Variants in PCDH9 observed in about 807,000 individuals in gnomAD.
PCDH9 encodes the protein protocadherin 9, also known as protocadherin-9.
In PCDH9, 24 loss-of-function variants were observed where a neutral mutation model predicts 70.6. The ratio of observed to expected loss-of-function variants is 0.34; its 90% CI spans 0.25 to 0.48. The LOEUF (loss-of-function observed/expected upper bound fraction) is 0.48. Ranked by LOEUF, PCDH9 falls within the 20% of genes least tolerant of loss-of-function variation. The probability of loss-of-function intolerance (pLI) is 0.99; values close to 1 mark genes in which losing one functional copy is unlikely to be tolerated. For synonymous variants in PCDH9, 562 were observed against 558.5 expected (o/e 1.01, Z -0.09); for missense variants, 1,281 against 1,503.6 (o/e 0.85, Z 2.45).
intron 2 of PCDH9, among the ~76,000 whole-genome samples, chr13:67,012,030 T>C (rs2084461111): frequency 6.6e-6 from 1 of 151,792 alleles, no homozygotes; most frequent in African/African-American, 2.4e-5. Context: ...TTGAATAGAG[T>C]ATCCTATGTA....
At chr13:66,896,336 G>A (rs1215790994) in intron 3 of PCDH9, among the ~76,000 whole-genome samples, 2 of 150,906 alleles carry the variant, frequency 1.3e-5, no homozygotes, top group Admixed American at 6.6e-5. Context: ...GTTTAGCCTC[G>A]GGAAAACACC....
intron 4 of PCDH9, among the ~76,000 whole-genome samples, chr13:66,559,817 A>ATATATATAT (rs1555306268): frequency 2.1e-5 from 2 of 93,106 alleles, no homozygotes; most frequent in Admixed American, 1.4e-4. Context: ...AAAAAAAAAA[A>ATATATATAT]ATATATATAT....
intron 3 of PCDH9, among the ~76,000 whole-genome samples, chr13:66,706,039 T>TG (rs1168544881): frequency 1.3e-5 from 2 of 152,180 alleles, no homozygotes; most frequent in African/African-American, 4.8e-5. Flanking sequence ...AAAGCACACT[T>TG]GGGGCCAAAA....
intron 3 of PCDH9, among the ~76,000 whole-genome samples, chr13:66,728,051 A>C (rs2079028382): frequency 6.6e-6 from 1 of 152,172 alleles, no homozygotes; most frequent in Non-Finnish European, 1.5e-5. Flanking sequence ...TCCTCACACC[A>C]ACTTGGTCAT....
chr13:66,561,365 A>G (rs1962024129), intron 4 of PCDH9, among the ~76,000 whole-genome samples: 3 of 152,056 alleles, frequency 2.0e-5, no homozygotes, highest in African/African-American at 7.2e-5. Flanking sequence ...CCCTTGCTCC[A>G]CTGCACCCAG....
intron 3 of PCDH9, among the ~76,000 whole-genome samples, chr13:66,873,915 T>C (rs1594187840): frequency 6.7e-6 from 1 of 148,260 alleles, no homozygotes; most frequent in Non-Finnish European, 1.5e-5. Flanking sequence ...TTTCTTTTCG[T>C]TTCTTTTTTT....
intron 2 of PCDH9, among the ~76,000 whole-genome samples, chr13:67,105,342 A>G (rs563242314): frequency 3.9e-5 from 6 of 152,220 alleles, no homozygotes; most frequent in Non-Finnish European, 7.3e-5. Context: ...CTTTGGAAAT[A>G]AAAACATAAG....
At chr13:66,937,259 T>C (rs1459178718) in intron 2 of PCDH9, among the ~76,000 whole-genome samples, 1 of 152,204 alleles carries the variant, frequency 6.6e-6, no homozygotes, top group Non-Finnish European at 1.5e-5. Context: ...GGTAACAACT[T>C]TCAGTCTCAG....
chr13:66,373,503 T>G (rs1409910676), intron 4 of PCDH9, among the ~76,000 whole-genome samples: 4 of 151,926 alleles, frequency 2.6e-5, no homozygotes, highest in Non-Finnish European at 5.9e-5. Flanking sequence ...TACATATGCT[T>G]TATTGCAACT....
chr13:66,671,274 G>A (rs1357049709), intron 3 of PCDH9, among the ~76,000 whole-genome samples: 1 of 152,132 alleles, frequency 6.6e-6, no homozygotes, highest in Non-Finnish European at 1.5e-5. Context: ...TTTCTTCATA[G>A]CAGTATGAAA....
intron 4 of PCDH9, among the ~76,000 whole-genome samples, chr13:66,497,287 T>C (rs61957642): frequency 0.22 from 33,889 of 151,882 alleles, 4,094 homozygotes; most frequent in South Asian, 0.34. Flanking sequence ...TTGCCCAGTC[T>C]AGTTTCAAAC....
chr13:66,779,836 TC>T, intron 3 of PCDH9, among the ~76,000 whole-genome samples: 1 of 24,590 alleles, frequency 4.1e-5, no homozygotes, highest in Middle Eastern at 0.022. Context: ...TCTCTCTCTC[TC>T]TCTCTCTCTC....
intron 2 of PCDH9, among the ~76,000 whole-genome samples, chr13:67,112,813 G>A (rs2086683967): frequency 6.6e-6 from 1 of 151,992 alleles, no homozygotes; most frequent in African/African-American, 2.4e-5. Flanking sequence ...GACCTCCCAA[G>A]GCTCCAGTGA....
intron 2 of PCDH9, among the ~76,000 whole-genome samples, chr13:66,973,696 C>A (rs2083564406): frequency 6.6e-6 from 1 of 151,968 alleles, no homozygotes; most frequent in Non-Finnish European, 1.5e-5. Context: ...TCATTCATAA[C>A]AGATGGACAG....
At chr13:67,103,062 T>C (rs1476701931) in intron 2 of PCDH9, among the ~76,000 whole-genome samples, 1 of 152,054 alleles carries the variant, frequency 6.6e-6, no homozygotes, top group African/African-American at 2.4e-5. Flanking sequence ...GGAAATAAAA[T>C]AGCTCTGCTA....
intron 4 of PCDH9, among the ~76,000 whole-genome samples, chr13:66,381,270 G>A (rs1322371841): frequency 6.6e-6 from 1 of 152,110 alleles, no homozygotes; most frequent in African/African-American, 2.4e-5. Flanking sequence ...AAAAATAATA[G>A]ATCTTTAGGA....
intron 3 of PCDH9, among the ~76,000 whole-genome samples, chr13:66,707,559 C>A (rs1365935509): frequency 6.6e-6 from 1 of 152,148 alleles, no homozygotes; most frequent in Non-Finnish European, 1.5e-5. Flanking sequence ...ATTACATAGG[C>A]GCTTCTGCTC....
chr13:66,749,632 T>C (rs1410828045), intron 3 of PCDH9, among the ~76,000 whole-genome samples: 5 of 152,196 alleles, frequency 3.3e-5, no homozygotes, highest in African/African-American at 1.2e-4. Flanking sequence ...GACCAGAATT[T>C]AGAAAAAGTC....
intron 3 of PCDH9, among the ~76,000 whole-genome samples, chr13:66,853,626 G>A (rs2081349764): frequency 6.6e-6 from 1 of 152,176 alleles, no homozygotes; most frequent in South Asian, 2.1e-4. Flanking sequence ...TTCACTATGA[G>A]ATAAATGGGC....
Sources: allele counts gnomAD v4.1 joint callset (sites outside exome capture counted in the v4.1 genomes callset), GRCh38; gene constraint gnomAD v4.1.1; transcripts MANE v1.5; gene names NCBI Gene and HGNC (gene_info 2026-07-23, HGNC 2026-07-21).